DNAH6: variants seen among roughly 807,000 people sequenced by gnomAD.
DNAH6 encodes the protein dynein axonemal heavy chain 6, also known as axonemal beta dynein heavy chain 6.
A neutral mutation model predicts 491.4 loss-of-function variants in DNAH6; 340 were observed. That is an observed-to-expected ratio of 0.69 (90% CI 0.63 to 0.76). The LOEUF (loss-of-function observed/expected upper bound fraction) is 0.76, where lower values mean the gene tolerates loss of function less well. DNAH6 is among the 30% of genes least tolerant of loss of function. DNAH6 has a pLI of 0.00. For missense variants in DNAH6, 4,443 were observed against 4,972.2 expected (o/e 0.89, Z 3.20); for synonymous variants, 1,603 against 1,686.1 (o/e 0.95, Z 1.21).
In DNAH6 at chr2:84,517,965, G is replaced by A. The variant is rs373341060; in HGVS notation, c.139G>A (p.Asp47Asn). Reference sequence around the variant, plus strand: ...TGTGACATCCACAGAAAATGAATCTGATACACAAATCCTAACGTTTAGGCA... The same window carrying A: ...TGTGACATCCACAGAAAATGAATCTAATACACAAATCCTAACGTTTAGGCA... ...SYVTSTENES[D>N]TQILTFRHIT... The change falls in exon 2 of 77, where the codon GAT (aspartate) becomes AAT (asparagine). Residue 47 changes from aspartate (D) to asparagine (N), a missense_variant. Around this residue, in one of 3 missense-constraint regions of DNAH6, gnomAD observed 2,977 missense variants for 3,296.6 expected, o/e 0.90. Coordinates refer to ENST00000389394, the MANE Select transcript of DNAH6 (RefSeq NM_001370.2). 3 of 1,550,926 alleles carry A rather than the reference G, an allele frequency of 1.9e-6. No homozygotes were observed. In the African/African-American group the frequency reaches 4.1e-5, roughly 21 times the overall value.
chr2:84,713,539 G>T (rs1407227124), intron 57 of DNAH6, among the ~76,000 whole-genome samples: 3 of 152,180 alleles, frequency 2.0e-5, no homozygotes, highest in African/African-American at 7.2e-5. Flanking sequence ...CACCTCTCCA[G>T]TGCCCTCGCC....
the DNAH6 span, among the ~76,000 whole-genome samples, chr2:84,489,587 T>C: frequency 6.6e-6 from 1 of 152,168 alleles, no homozygotes; most frequent in African/African-American, 2.4e-5. Context: ...TTTTTCTTTC[T>C]TTCTCTATTC....
At chr2:84,737,480 T>C (rs998307393) in intron 62 of DNAH6, among the ~76,000 whole-genome samples, 1 of 151,952 alleles carries the variant, frequency 6.6e-6, no homozygotes, top group African/African-American at 2.4e-5. Flanking sequence ...GGTTGGTAGG[T>C]TTTTATTCCT....
chr2:84,792,857 C>T (rs546122355), intron 68 of DNAH6, among the ~76,000 whole-genome samples: 4 of 152,042 alleles, frequency 2.6e-5, no homozygotes, highest in Non-Finnish European at 5.9e-5. Context: ...CATGGGAAAA[C>T]CAGACAGGAG....
Position 84,811,790 on chromosome 2 carries a change from G to A in DNAH6, c.11740-551G>A, listed in dbSNP as rs553551984. ...ACAGGAGAATCACTTGAACCCAGGA[G>A]GAGGAGGTTGCAGTGAGCCGAGATC... On this transcript the variant is annotated intron_variant, in intron 72 of 76. Coordinates refer to ENST00000389394, the MANE Select transcript of DNAH6 (RefSeq NM_001370.2). Among the ~76,000 whole-genome samples, 46 of 151,892 alleles carry A rather than the reference G, an allele frequency of 3.0e-4. 1 individual carries two copies. The highest frequency in any genetic ancestry group is 7.7e-4 in the East Asian group (4 of 5,174).
chr2:84,471,680 C>T, the DNAH6 span, among the ~76,000 whole-genome samples: 1 of 152,156 alleles, frequency 6.6e-6, no homozygotes, highest in Non-Finnish European at 1.5e-5. Flanking sequence ...GTTCCATGGT[C>T]GTACACATCT....
chr2:84,631,647 T>A (rs140655998), intron 29 of DNAH6, among the ~76,000 whole-genome samples: 110 of 152,218 alleles, frequency 7.2e-4, no homozygotes, highest in African/African-American at 2.5e-3. Flanking sequence ...ATCAGAGTGA[T>A]GCAGTACAAG....
intron 16 of DNAH6, among the ~76,000 whole-genome samples, chr2:84,589,598 G>C (rs1243041957): frequency 6.6e-6 from 1 of 151,738 alleles, no homozygotes; most frequent in East Asian, 1.9e-4. Context: ...TGTAGTCCCA[G>C]GTACTTGGGA....
rs1472665137 is a variant in DNAH6 at position 84,705,735 on chromosome 2, C to G, written c.8715C>G (p.Leu2905=). 6.5e-7 allele frequency: 1 copy of G among 1,546,184 alleles called. No individual in the cohort carries two copies. The highest frequency in any genetic ancestry group is 1.2e-5 in the South Asian group (1 of 83,352). The change falls in exon 52 of 77, where the codon CTC becomes CTG. Residue 2905 remains leucine, a synonymous_variant. Coordinates refer to ENST00000389394, the MANE Select transcript of DNAH6 (RefSeq NM_001370.2). ...TCGTCGAACCAAAAAGACAAAAGCTCCGCGCCGCACAGGTACATTTTCTGT... is the reference window on the plus strand; with the variant it reads ...TCGTCGAACCAAAAAGACAAAAGCTGCGCGCCGCACAGGTACATTTTCTGT... ...VKVVEPKRQK[L]RAAQAELDIT... is the part of the protein sequence containing the mutation.
In DNAH6 at chr2:84,817,364, C is replaced by T. The variant is rs143160418; in HGVS notation, c.12373+1281C>T. On this transcript the variant is annotated intron_variant, in intron 76 of 76. Transcript: ENST00000389394. Reference sequence around the variant, plus strand: ...GGGTTGAGGGAAAATACCTTTGAACCAGAATTCAAAACACAACCAAACCAT... The same window carrying T: ...GGGTTGAGGGAAAATACCTTTGAACTAGAATTCAAAACACAACCAAACCAT... Among the ~76,000 whole-genome samples, 1,095 of 152,248 alleles carry T rather than the reference C, an allele frequency of 7.2e-3. 13 individuals carry two copies. The highest frequency in any genetic ancestry group is 0.024 in the African/African-American group (1,010 of 41,544).
chr2:84,802,607 C>T (rs1329815296), intron 70 of DNAH6, among the ~76,000 whole-genome samples: 2 of 151,748 alleles, frequency 1.3e-5, no homozygotes, highest in East Asian at 3.9e-4. Flanking sequence ...ATCAGAGGAG[C>T]AGGGGGTGGG....
At chr2:84,654,254 G>A (rs1690738358) in intron 34 of DNAH6, among the ~76,000 whole-genome samples, 1 of 152,092 alleles carries the variant, frequency 6.6e-6, no homozygotes, top group African/African-American at 2.4e-5. Context: ...GATTGGGAGA[G>A]GAATGTGGAC....
chr2:84,529,019 T>C lies in DNAH6; in HGVS notation c.515T>C (p.Phe172Ser), dbSNP rs920356298. ...TCTTCAGCTTACCCTAAGTACACTTTTCACGACCGAGAAGAAGTTGTTAAA... is the reference window on the plus strand; with the variant it reads ...TCTTCAGCTTACCCTAAGTACACTTCTCACGACCGAGAAGAAGTTGTTAAA... ...TRSSAYPKYTFHDREEVVKAN... is the reference protein window; with the variant it reads ...TRSSAYPKYTSHDREEVVKAN... The change falls in exon 4 of 77, where the codon TTT becomes TCT. Residue 172 changes from phenylalanine to serine, a missense_variant. Around this residue, in one of 3 missense-constraint regions of DNAH6, gnomAD observed 2,977 missense variants for 3,296.6 expected, o/e 0.90. Transcript: ENST00000389394. The C allele has an allele frequency of 1.4e-5, 21 of 1,551,364 alleles. No homozygotes were observed. Among genetic ancestry groups the C allele is most frequent in the Non-Finnish European group, 1.7e-5 (20 of 1,146,800 alleles).
chr2:84,797,379 C>T (rs774055365), intron 69 of DNAH6, among the ~76,000 whole-genome samples, 158 bp from the exon 70 acceptor site: 16 of 152,214 alleles, frequency 1.1e-4, no homozygotes, highest in Admixed American at 2.6e-4. Flanking sequence ...AAACTAGACA[C>T]AGCAATGAAA....
chr2:84,663,719 A>G (rs1184148193), intron 37 of DNAH6, among the ~76,000 whole-genome samples: 1 of 152,210 alleles, frequency 6.6e-6, no homozygotes, highest in African/African-American at 2.4e-5. Flanking sequence ...AAGACAGGCC[A>G]ACATTCAGAT....
At chr2:84,607,244 A>G in intron 21 of DNAH6, 149 bp downstream of exon 21, 1 of 798,964 alleles carries the variant, frequency 1.3e-6, no homozygotes, top group Non-Finnish European at 1.9e-6. Context: ...AATGTAAGGG[A>G]AATGCACAGG....
chr2:84,535,591 A>T (rs1420393103), intron 4 of DNAH6, among the ~76,000 whole-genome samples: 1 of 151,818 alleles, frequency 6.6e-6, no homozygotes, highest in East Asian at 1.9e-4. Flanking sequence ...GCAAGAACAC[A>T]TAATATCTAA....
intron 71 of DNAH6, among the ~76,000 whole-genome samples, chr2:84,808,205 A>C (rs1679627793): frequency 6.6e-6 from 1 of 152,108 alleles, no homozygotes; most frequent in Non-Finnish European, 1.5e-5. Context: ...GAATTTAAAC[A>C]TAATTTTCTG....
Position 84,670,322 on chromosome 2 carries a change from T to A in DNAH6, c.6307-6T>A. ...TGTGACATTAATTAACTTATTTTAA[T>A]TTAAGTCTGTGATTGCAAAAGGATT... On this transcript the variant is annotated splice_region_variant and splice_polypyrimidine_tract_variant and intron_variant, in intron 38 of 76. Coordinates refer to ENST00000389394, the MANE Select transcript of DNAH6 (RefSeq NM_001370.2). The A allele has an allele frequency of 6.6e-7, 1 of 1,509,028 alleles. No individual in the cohort carries two copies. Among genetic ancestry groups the A allele is most frequent in the Non-Finnish European group, 8.9e-7 (1 of 1,118,334 alleles). 93.5% of individuals were successfully genotyped at this position (1,509,028 alleles called of 1,614,324 possible).
Sources: gnomAD v4.1 joint callset for allele counts (sites outside exome capture counted in the v4.1 genomes callset) on GRCh38, gnomAD v4.1.1 for gene constraint, gnomAD v4.1.1 regional missense constraint, MANE v1.5 for transcripts, NCBI Gene and HGNC (gene_info 2026-07-23, HGNC 2026-07-21) for gene names.